PLEKHA8: variants seen among roughly 807,000 people sequenced by gnomAD.
The protein encoded by PLEKHA8 is pleckstrin homology domain-containing family A member 8.
Under a neutral mutation model 68.2 loss-of-function variants are expected in PLEKHA8, and 36 were observed. That is an observed-to-expected ratio of 0.53 (90% CI 0.40 to 0.70). The LOEUF is 0.70. PLEKHA8 is among the 30% of genes least tolerant of loss of function. PLEKHA8 has a pLI of 0.00. For missense variants in PLEKHA8, 505 were observed against 615.4 expected (o/e 0.82, Z 1.90); for synonymous variants, 211 against 216.1 (o/e 0.98, Z 0.20).
chr7:30,083,335 A>G lies in PLEKHA8; in HGVS notation c.*4548A>G. 1 of 985,188 alleles carries G rather than the reference A, an allele frequency of 1.0e-6. No homozygotes were observed. 61.0% of individuals were successfully genotyped at this position (985,188 alleles called of 1,614,324 possible). ...TTTCATAGTCATTTCATAAAAAATA[A>G]TTCACTAGCTGTCTAATGGTATTTT... On this transcript the variant is annotated 3_prime_UTR_variant, in exon 14 of 14. Transcript: ENST00000449726.
chr7:30,065,917 C>T (rs1387358620), intron 12 of PLEKHA8, among the ~76,000 whole-genome samples: 1 of 151,984 alleles, frequency 6.6e-6, no homozygotes, highest in African/African-American at 2.4e-5. Flanking sequence ...GAAATGCAGA[C>T]TATCCGGTTC....
intron 12 of PLEKHA8, among the ~76,000 whole-genome samples, chr7:30,065,585 C>T (rs899927359): frequency 2.6e-5 from 4 of 152,122 alleles, no homozygotes; most frequent in Admixed American, 2.6e-4. Flanking sequence ...ATAAGTAGAA[C>T]TGATACCTTG....
chr7:30,055,381 A>G, intron 9 of PLEKHA8, 39 bp downstream of exon 9: 1 of 1,560,766 alleles, frequency 6.4e-7, no homozygotes. Flanking sequence ...ATTCATGTCT[A>G]GAATCTGCCT....
Position 30,082,788 on chromosome 7 carries a change from A to C in PLEKHA8, c.*4001A>C. On this transcript the variant is annotated 3_prime_UTR_variant, in exon 14 of 14. Transcript: ENST00000449726. ...AACTTAATCTGATTGTGAAAATCAT[A>C]CATATGGAGAAACATCAGATCAGGC... 1 of 985,322 alleles carries C rather than the reference A, an allele frequency of 1.0e-6. No individual in the cohort carries two copies. Among genetic ancestry groups the C allele is most frequent in the African/African-American group, 1.7e-5 (1 of 57,352 alleles). The allele number at this position is 985,322 out of a possible 1,614,324, so 61.0% of individuals were successfully genotyped here.
intron 13 of PLEKHA8, among the ~76,000 whole-genome samples, chr7:30,111,984 T>A (rs1014087558): frequency 7.2e-5 from 11 of 152,180 alleles, no homozygotes; most frequent in African/African-American, 2.7e-4. Flanking sequence ...AACAATGGAA[T>A]GGCAAAATAA....
At position 30,080,515 on chromosome 7, in the gene PLEKHA8, G is replaced by A. The variant is rs1794873214; in HGVS notation, c.*1728G>A. 1.0e-6 allele frequency: 1 copy of A among 985,228 alleles called. No homozygotes were observed. 61.0% of individuals were successfully genotyped at this position (985,228 alleles called of 1,614,324 possible). On this transcript the variant is annotated 3_prime_UTR_variant, in exon 14 of 14. Coordinates refer to ENST00000449726, the MANE Select transcript of PLEKHA8 (RefSeq NM_001197026.2). ...TCTCTCTTTAGTCAGAGAAGTTTATGTAGGGAGGGGTATTGGTTTTGCCTT... is the reference window on the plus strand; with the variant it reads ...TCTCTCTTTAGTCAGAGAAGTTTATATAGGGAGGGGTATTGGTTTTGCCTT...
chr7:30,067,660 A>G (rs969002036), intron 12 of PLEKHA8, among the ~76,000 whole-genome samples: 1 of 152,114 alleles, frequency 6.6e-6, no homozygotes, highest in Non-Finnish European at 1.5e-5. Flanking sequence ...TGCTTTTGCT[A>G]TATATTTATG....
chr7:30,082,421 C>A lies in PLEKHA8; in HGVS notation c.*3634C>A. 1 of 985,378 alleles carries A rather than the reference C, an allele frequency of 1.0e-6. No homozygotes were observed. Among genetic ancestry groups the A allele is most frequent in the Non-Finnish European group, 1.2e-6 (1 of 829,940 alleles). 61.0% of individuals were successfully genotyped at this position (985,378 alleles called of 1,614,324 possible). On this transcript the variant is annotated 3_prime_UTR_variant, in exon 14 of 14. Transcript: ENST00000449726. ...CTTAGCCCAGGGCTGCGTGCCTGAT[C>A]AGTGGGGATTCTGTTCCCCCACCCC...
At chr7:30,115,989 CAT>C (rs1562558666) in intron 13 of PLEKHA8, 33 of 134,994 alleles carry the variant, frequency 2.4e-4, no homozygotes, top group Middle Eastern at 3.9e-3. Flanking sequence ...TGCATGTATG[CAT>C]ACGCATACAT....
At chr7:30,108,952 G>A (rs1473441363) in intron 13 of PLEKHA8, among the ~76,000 whole-genome samples, 1 of 152,176 alleles carries the variant, frequency 6.6e-6, no homozygotes, top group Admixed American at 6.5e-5. Context: ...TAATTCTCAT[G>A]GTGGCACTAG....
Position 30,078,602 on chromosome 7 carries a change from G to A in PLEKHA8, c.1375G>A (p.Ala459Thr), listed in dbSNP as rs1794756707. The change falls in exon 14 of 14, where the codon GCA becomes ACA. Residue 459 changes from alanine to threonine, a missense_variant. Ala to Thr is a moderately conservative substitution (Grantham distance 58). Coordinates refer to ENST00000449726, the MANE Select transcript of PLEKHA8 (RefSeq NM_001197026.2). ...VRGVFALALR[A>T]APSYEDFVAA... ...TATTCTTTTGCAGTTAGCTTTAAGG[G>A]CAGCTCCATCCTATGAAGATTTTGT... is the stretch of plus-strand genomic sequence containing the variant. 6.2e-7 allele frequency: 1 copy of A among 1,613,734 alleles called. No homozygotes were observed. The highest frequency in any genetic ancestry group is 8.5e-7 in the Non-Finnish European group (1 of 1,179,812).
chr7:30,080,288 A>C lies in PLEKHA8; in HGVS notation c.*1501A>C. On this transcript the variant is annotated 3_prime_UTR_variant, in exon 14 of 14. Coordinates refer to ENST00000449726, the MANE Select transcript of PLEKHA8 (RefSeq NM_001197026.2). ...CCAACCCTGGCCCTAGTCTCAGTAGACCATGCTGCCTCGAGTGTGCATCGG... is the reference window on the plus strand; with the variant it reads ...CCAACCCTGGCCCTAGTCTCAGTAGCCCATGCTGCCTCGAGTGTGCATCGG... 1 of 985,380 alleles carries C rather than the reference A, an allele frequency of 1.0e-6. No homozygotes were observed. The highest frequency in any genetic ancestry group is 1.2e-6 in the Non-Finnish European group (1 of 829,944). 61.0% of individuals were successfully genotyped at this position (985,380 alleles called of 1,614,324 possible).
intron 13 of PLEKHA8, among the ~76,000 whole-genome samples, chr7:30,128,203 C>A (rs1310067324): frequency 6.6e-6 from 1 of 151,608 alleles, no homozygotes; most frequent in African/African-American, 2.4e-5. Context: ...ACCTCCTGGG[C>A]TCAAATGATC....
intron 13 of PLEKHA8, among the ~76,000 whole-genome samples, chr7:30,128,669 G>C (rs1796823451): frequency 6.6e-6 from 1 of 152,052 alleles, no homozygotes; most frequent in Non-Finnish European, 1.5e-5. Context: ...GATGCCCTGT[G>C]TCTTAGTCCA....
downstream of PLEKHA8, among the ~76,000 whole-genome samples, chr7:30,086,019 C>T (rs1795168355): frequency 6.6e-6 from 1 of 152,178 alleles, no homozygotes; most frequent in African/African-American, 2.4e-5. Context: ...GAAACCTGTA[C>T]CTTTACAATA....
At position 30,079,076 on chromosome 7, in the gene PLEKHA8, G is replaced by A. The variant is rs564526256; in HGVS notation, c.*289G>A. On this transcript the variant is annotated 3_prime_UTR_variant, in exon 14 of 14. Transcript: ENST00000449726. ...AGCAGATTTAACAAACAAATTTGCT[G>A]TTATTGTGTATTGTATTGTTTTTAT... 5 of 1,159,642 alleles carry A rather than the reference G, an allele frequency of 4.3e-6. No individual in the cohort carries two copies. In the East Asian group the frequency reaches 1.9e-4, roughly 44 times the overall value. The allele number at this position is 1,159,642 out of a possible 1,614,324, so 71.8% of individuals were successfully genotyped here.
chr7:30,053,448 T>A (rs1248723091), intron 7 of PLEKHA8, among the ~76,000 whole-genome samples: 1 of 152,182 alleles, frequency 6.6e-6, no homozygotes, highest in Non-Finnish European at 1.5e-5. Context: ...AAAATGAAAT[T>A]AAAATTTCCT....
At chr7:30,060,142 A>G (rs1793322085) in intron 9 of PLEKHA8, among the ~76,000 whole-genome samples, 1 of 151,544 alleles carries the variant, frequency 6.6e-6, no homozygotes, top group Admixed American at 6.6e-5. Context: ...TCCCCCCAGA[A>G]AAAAGAATCA....
chr7:30,056,024 G>A (rs1792824298), intron 9 of PLEKHA8, among the ~76,000 whole-genome samples: 2 of 148,626 alleles, frequency 1.3e-5, no homozygotes, highest in African/African-American at 4.9e-5. Flanking sequence ...CTCACTGCAA[G>A]CTCCGCCCCC....
Sources: allele counts gnomAD v4.1 joint callset (sites outside exome capture counted in the v4.1 genomes callset), GRCh38; gene constraint gnomAD v4.1.1; transcripts MANE v1.5; gene names NCBI Gene and HGNC (gene_info 2026-07-23, HGNC 2026-07-21).